The following TLR5 variants were observed in gnomAD, a reference collection of about 807,000 sequenced individuals.
TLR5 encodes the protein toll-like receptor 5.
For missense variants in TLR5, 944 were observed against 999.8 expected (o/e 0.94, Z 0.75); for synonymous variants, 373 against 384.4 (o/e 0.97, Z 0.35).
chr1:223,124,688 C>A (rs1001991617), intron 5 of TLR5, among the ~76,000 whole-genome samples: 1 of 152,188 alleles, frequency 6.6e-6, no homozygotes, highest in African/African-American at 2.4e-5. Context: ...ACTGCAGCCT[C>A]CACTTCCCAG....
rs1212051177 is a variant in TLR5, at chr1:223,141,860, G to GAGAGAGAA, written c.-554-98_-554-97insTTCTCTCT. The GAGAGAGAA allele has an allele frequency of 2.9e-3, 430 of 147,212 alleles. 3 individuals are homozygous for GAGAGAGAA. The highest frequency in any genetic ancestry group is 0.01 in the African/African-American group (403 of 40,146). The allele number at this position is 147,212 out of a possible 1,614,324, so 9.1% of individuals were successfully genotyped here. On this transcript the variant is annotated intron_variant, in intron 1 of 5. Transcript: ENST00000642603. Reference sequence around the variant, plus strand: ...AGAGAGAGAGAGAGAGAGAGAGAAAGAGAGAGAGAGAGATTATTTTTGTAC... The same window carrying GAGAGAGAA: ...AGAGAGAGAGAGAGAGAGAGAGAAAGAGAGAGAAAGAGAGAGAGAGATTATTTTTGTAC...
rs1344690126 is a variant in TLR5 at position 223,111,268 on chromosome 1, G to GCTAA, written c.1760_1763dup (p.Thr589Ter). 1.6e-5 allele frequency: 26 copies of GCTAA among 1,614,038 alleles called. No individual in the cohort carries two copies. Among genetic ancestry groups the GCTAA allele is most frequent in the Non-Finnish European group, 2.2e-5 (26 of 1,180,034 alleles). ...TGTGATTAAGCCAATTGATAAAAGT[G>GCTAA]CTAAGTTCACATTCACAAATGAACT... is the stretch of plus-strand genomic sequence containing the variant. On this transcript the variant is annotated stop_gained and frameshift_variant, in exon 6 of 6. Coordinates refer to ENST00000642603, the MANE Select transcript of TLR5 (RefSeq NM_003268.6). LOFTEE classifies it low-confidence loss of function (END_TRUNC).
At chr1:223,127,793 C>T (rs1657230350) in intron 5 of TLR5, 1 of 152,316 alleles carries the variant, frequency 6.6e-6, no homozygotes. Context: ...AGTTACTCGT[C>T]CTAGGCCTGG....
chr1:223,141,804 TATATATATATATATATATAGAGAGAGAG>T (rs1657864763), intron 1 of TLR5, 41 bp from the exon 2 acceptor site: 1 of 88,140 alleles, frequency 1.1e-5, no homozygotes. Flanking sequence ...TATATATATA[TATATATATATATATATATAGAGAGAGAG>T]AGAGAGAGAG....
intron 1 of TLR5, 88 bp from the exon 2 acceptor site, chr1:223,141,851 A>G (rs997772193): frequency 9.5e-5 from 14 of 147,042 alleles, no homozygotes; most frequent in Admixed American, 2.7e-4. Context: ...AGAGAGAGAG[A>G]GAGAGAAAGA....
At chr1:223,116,082 T>C (rs933964066) in intron 5 of TLR5, among the ~76,000 whole-genome samples, 1 of 152,110 alleles carries the variant, frequency 6.6e-6, no homozygotes, top group African/African-American at 2.4e-5. Context: ...CCTGCCGTGT[T>C]ACTCTTTCAA....
intron 3 of TLR5, among the ~76,000 whole-genome samples, chr1:223,135,319 C>T (rs370330618): frequency 1.8e-4 from 28 of 152,274 alleles, no homozygotes; most frequent in African/African-American, 5.5e-4. Flanking sequence ...CACCCTGTGC[C>T]CAGTGTCCTG....
intron 5 of TLR5, among the ~76,000 whole-genome samples, chr1:223,115,812 T>C (rs1292355803): frequency 1.3e-5 from 2 of 151,994 alleles, no homozygotes; most frequent in African/African-American, 4.8e-5. Context: ...AGCAGGTGTC[T>C]AACAGAAGTA....
intron 5 of TLR5, among the ~76,000 whole-genome samples, chr1:223,118,836 G>A (rs1409748020): frequency 2.0e-5 from 3 of 152,108 alleles, no homozygotes; most frequent in Admixed American, 6.5e-5. Flanking sequence ...GGGCACGGTG[G>A]CTCACGCCTG....
chr1:223,141,397 G>T (rs1296836937), intron 2 of TLR5: 1 of 152,136 alleles, frequency 6.6e-6, no homozygotes, highest in Non-Finnish European at 1.5e-5. Flanking sequence ...GTGATCCTCT[G>T]CCATCATTTT....
intron 5 of TLR5, among the ~76,000 whole-genome samples, chr1:223,129,773 G>C (rs1297520233): frequency 6.6e-6 from 1 of 152,204 alleles, no homozygotes; most frequent in Admixed American, 6.5e-5. Flanking sequence ...TCACACGCCT[G>C]AGCAGCAACA....
intron 5 of TLR5, among the ~76,000 whole-genome samples, chr1:223,116,934 C>T (rs1656687378): frequency 6.6e-6 from 1 of 152,234 alleles, no homozygotes; most frequent in Admixed American, 6.5e-5. Context: ...AGGGGCAGAG[C>T]TGCCCGCCAG....
chr1:223,115,957 G>T (rs541031724), intron 5 of TLR5, among the ~76,000 whole-genome samples: 1 of 152,138 alleles, frequency 6.6e-6, no homozygotes, highest in African/African-American at 2.4e-5. Flanking sequence ...CAGGACCTTC[G>T]CAAGTGCTGC....
At chr1:223,124,792 T>C (rs1424396401) in intron 5 of TLR5, among the ~76,000 whole-genome samples, 5 of 152,070 alleles carry the variant, frequency 3.3e-5, no homozygotes, top group Non-Finnish European at 7.4e-5. Context: ...TTAGTAGAGA[T>C]AGCCTTTCAC....
intron 5 of TLR5, among the ~76,000 whole-genome samples, chr1:223,130,463 C>T (rs370849035): frequency 6.6e-6 from 1 of 152,314 alleles, no homozygotes; most frequent in East Asian, 1.9e-4. Context: ...CTCTTCGTGG[C>T]CCTGCAGAAA....
At chr1:223,121,524 A>C (rs1042430290) in intron 5 of TLR5, among the ~76,000 whole-genome samples, 1 of 151,950 alleles carries the variant, frequency 6.6e-6, no homozygotes, top group African/African-American at 2.4e-5. Flanking sequence ...ATAGTTTGTG[A>C]TTGTTTTGTT....
In TLR5 at chr1:223,119,948, AAAAATAAAAT is replaced by A. The variant is rs1158997556; in HGVS notation, c.-4-6923_-4-6914del. 6.7e-4 allele frequency among the ~76,000 whole-genome samples: 31 copies of A among 45,942 alleles called. 1 individual carries two copies. Among genetic ancestry groups the A allele is most frequent in the Middle Eastern group, 9.3e-3 (1 of 108 alleles). 30.1% of individuals were successfully genotyped at this position (45,942 alleles called of 152,430 possible). A position where few individuals can be genotyped will look rare whatever the true frequency, so the allele number is the denominator to read the frequency against. On this transcript the variant is annotated intron_variant, in intron 5 of 5. Transcript: ENST00000642603. The stretch of plus-strand genomic sequence containing the variant: ...CTTGGCAACAGAGTGAGACTGTCTC[AAAAATAAAAT>A]AAAATAAAATAAAATAAAATAAATA...
rs774905760 is a variant in TLR5 at position 223,110,522 on chromosome 1, A to C, written c.2510T>G (p.Leu837Arg). ...WFLHKLSQQI[L>R]KKEKEKKKDN... ...TTTCTTCTTTTCTTTTTCTTTCTTT[A>C]GTATCTGTTGAGAGAGTTTATGAAG... The change falls in exon 6 of 6, where the codon CTA becomes CGA. Residue 837 changes from leucine to arginine, a missense_variant. By Grantham distance (102) the Leu-to-Arg change is moderately radical. Coordinates refer to ENST00000642603, the MANE Select transcript of TLR5 (RefSeq NM_003268.6). 1 of 1,614,080 alleles carries C rather than the reference A, an allele frequency of 6.2e-7. No homozygotes were observed.
At chr1:223,117,562 C>CAAAAAAAAAA (rs66839180) in intron 5 of TLR5, among the ~76,000 whole-genome samples, 27 of 104,970 alleles carry the variant, frequency 2.6e-4, no homozygotes, top group Non-Finnish European at 3.5e-4. Flanking sequence ...ATGGTGTTCA[C>CAAAAAAAAAA]AAAAAAAAAA....
Sources: allele counts gnomAD v4.1 joint callset (sites outside exome capture counted in the v4.1 genomes callset), GRCh38; gene constraint gnomAD v4.1.1; transcripts MANE v1.5; gene names NCBI Gene and HGNC (gene_info 2026-07-23, HGNC 2026-07-21).